Variants in FAM184A observed in about 807,000 individuals in gnomAD.
FAM184A encodes family with sequence similarity 184 member A.
In FAM184A, 99 loss-of-function variants were observed where a neutral mutation model predicts 143.8. The observed-to-expected ratio is 0.69, with a 90% CI of 0.58 to 0.81. The LOEUF (loss-of-function observed/expected upper bound fraction) is 0.81, where lower values mean the gene tolerates loss of function less well. FAM184A is among the 40% of genes least tolerant of loss of function. FAM184A has a pLI of 0.00. For missense variants in FAM184A, 1,217 were observed against 1,310.5 expected (o/e 0.93, Z 1.10); for synonymous variants, 427 against 446.4 (o/e 0.96, Z 0.55).
rs138773908 is a variant in FAM184A, at chr6:119,026,186, T to G, written c.160-1373A>C. Among the ~76,000 whole-genome samples, 677 of 152,334 alleles carry G rather than the reference T, an allele frequency of 4.4e-3. 7 individuals carry two copies. The highest frequency in any genetic ancestry group is 0.015 in the African/African-American group (625 of 41,578). ...GAGAGATGGCAGGAACCCATCTGTC[T>G]TGCCATGCTATCCCTTTTTGCAAAG... On this transcript the variant is annotated intron_variant, in intron 1 of 17. Transcript: ENST00000338891.
At chr6:119,001,938 C>CT (rs996900885) in intron 9 of FAM184A, among the ~76,000 whole-genome samples, 18 of 151,808 alleles carry the variant, frequency 1.2e-4, no homozygotes, top group African/African-American at 1.2e-4. Flanking sequence ...TTCCCTTGTT[C>CT]TTTTTTTTGT....
Position 119,077,883 on chromosome 6 carries a change from T to C in FAM184A, c.159+258A>G, listed in dbSNP as rs1285416783. Among the ~76,000 whole-genome samples the C allele has an allele frequency of 3.9e-5, 6 of 152,272 alleles. No homozygotes were observed. The East Asian group carries it at 9.6e-4, about 24-fold the overall frequency. On this transcript the variant is annotated intron_variant, in intron 1 of 17. Coordinates refer to ENST00000338891, the MANE Select transcript of FAM184A (RefSeq NM_024581.6). ...AAAGGAACTAAATCCTAATTTGTTC[T>C]GTGCTGGTTTAGCCCCAAAGGGCAA...
intron 1 of FAM184A, among the ~76,000 whole-genome samples, chr6:119,106,181 A>G (rs1164963512): frequency 6.6e-6 from 1 of 152,164 alleles, no homozygotes; most frequent in Non-Finnish European, 1.5e-5. Flanking sequence ...TCACAAGGTC[A>G]GGAGATCGAG....
Position 119,078,007 on chromosome 6 carries a change from C to G in FAM184A, c.159+134G>C. 1 of 1,068,076 alleles carries G rather than the reference C, an allele frequency of 9.4e-7. No individual in the cohort carries two copies. Among genetic ancestry groups the G allele is most frequent in the South Asian group, 1.6e-5 (1 of 62,732 alleles). 66.2% of individuals were successfully genotyped at this position (1,068,076 alleles called of 1,614,324 possible). ...AAAGTTTGCAGGGTTTTGGAGGTGT[C>G]TCCGGCTGTTGCTTCGGCGGAGGAG... On this transcript the variant is annotated intron_variant, in intron 1 of 17. Transcript: ENST00000338891. The surrounding 1 kb of genome is among the most constrained non-coding windows in gnomAD (Gnocchi z 5.5).
chr6:119,101,351 C>T (rs937602193), intron 1 of FAM184A, among the ~76,000 whole-genome samples: 2 of 152,052 alleles, frequency 1.3e-5, no homozygotes, highest in African/African-American at 2.4e-5. Flanking sequence ...GGATTACAGG[C>T]GTGAACCACT....
chr6:119,008,566 A>G (rs1784997269), intron 6 of FAM184A, among the ~76,000 whole-genome samples: 1 of 152,318 alleles, frequency 6.6e-6, no homozygotes, highest in African/African-American at 2.4e-5. Flanking sequence ...TGGACTTTAC[A>G]GTCACATGAG....
chr6:118,973,027 T>C (rs1783741467), intron 14 of FAM184A, among the ~76,000 whole-genome samples: 1 of 152,180 alleles, frequency 6.6e-6, no homozygotes, highest in Non-Finnish European at 1.5e-5. Flanking sequence ...GTAACACAAG[T>C]TTCCTCACCA....
intron 1 of FAM184A, among the ~76,000 whole-genome samples, chr6:119,058,175 C>CTCT (rs1787078094): frequency 1.1e-5 from 1 of 89,716 alleles, no homozygotes. Context: ...CTCCTTCTCT[C>CTCT]TTTTTTTTTT....
At chr6:119,049,664 A>C (rs1324648145) in intron 1 of FAM184A, among the ~76,000 whole-genome samples, 4 of 152,184 alleles carry the variant, frequency 2.6e-5, no homozygotes, top group Non-Finnish European at 5.9e-5. Flanking sequence ...CCTTCCTTAC[A>C]CCATATACAA....
At chr6:119,016,485 G>GT (rs1459235983) in intron 5 of FAM184A, among the ~76,000 whole-genome samples, 2 of 151,942 alleles carry the variant, frequency 1.3e-5, no homozygotes, top group Non-Finnish European at 2.9e-5. Context: ...CTTAAGAGCT[G>GT]TAACACTCAC....
intron 14 of FAM184A, among the ~76,000 whole-genome samples, chr6:118,969,121 C>G (rs1013819504): frequency 6.6e-6 from 1 of 152,114 alleles, no homozygotes; most frequent in Non-Finnish European, 1.5e-5. Flanking sequence ...TCATTTCCCC[C>G]CTTGCTTGGC....
chr6:119,082,878 G>A (rs1000004854), upstream of FAM184A, among the ~76,000 whole-genome samples: 1 of 152,174 alleles, frequency 6.6e-6, no homozygotes, highest in Non-Finnish European at 1.5e-5. Context: ...ACCCCAGTGG[G>A]GACTCTGTGT....
Position 119,011,279 on chromosome 6 carries a change from A to G in FAM184A, c.1653+30T>C, listed in dbSNP as rs1424622819. 7 of 1,587,488 alleles carry G rather than the reference A, an allele frequency of 4.4e-6. No homozygotes were observed. In the Admixed American group the frequency reaches 7.0e-5, roughly 16 times the overall value. Reference sequence around the variant, plus strand: ...TAAGTTATTATTATTAAAATCTATAACATAGGCAACAGGTCTAAAGAATTC... The same window carrying G: ...TAAGTTATTATTATTAAAATCTATAGCATAGGCAACAGGTCTAAAGAATTC... On this transcript the variant is annotated intron_variant, in intron 6 of 17. Transcript: ENST00000338891.
At chr6:119,039,839 G>A (rs1329550213) in intron 1 of FAM184A, among the ~76,000 whole-genome samples, 2 of 152,282 alleles carry the variant, frequency 1.3e-5, no homozygotes, top group South Asian at 2.1e-4. Flanking sequence ...CAGGCCCCAG[G>A]GAGATGCAAC....
Position 119,006,585 on chromosome 6 carries a change from TA to T in FAM184A, c.1676del (p.Val559GlufsTer31). On this transcript the variant is annotated frameshift_variant, in exon 7 of 18. Coordinates refer to ENST00000338891, the MANE Select transcript of FAM184A (RefSeq NM_024581.6). LOFTEE classifies it high-confidence loss of function. ...NQEIGHLQDM[V>X]RKSEQGLGSA... ...AGCCAAGACCTTGTTCACTTTTCCT[TA>T]CCATATCTTGGAGGTGGCCAATCTG... The T allele has an allele frequency of 1.2e-6, 2 of 1,613,076 alleles. No individual in the cohort carries two copies. Among genetic ancestry groups the T allele is most frequent in the Non-Finnish European group, 1.7e-6 (2 of 1,179,570 alleles).
intron 1 of FAM184A, among the ~76,000 whole-genome samples, chr6:119,124,707 A>C (rs185876323): frequency 4.5e-4 from 69 of 152,272 alleles, no homozygotes; most frequent in Non-Finnish European, 1.6e-4. Flanking sequence ...AAAGACATTA[A>C]GTCATGAACA....
chr6:119,035,705 C>T (rs546273978), intron 1 of FAM184A, among the ~76,000 whole-genome samples: 1 of 152,268 alleles, frequency 6.6e-6, no homozygotes, highest in South Asian at 2.1e-4. Context: ...TATCTTAACC[C>T]AGACACTCCT....
chr6:119,092,276 T>C (rs1788392076), intron 1 of FAM184A, among the ~76,000 whole-genome samples: 1 of 152,130 alleles, frequency 6.6e-6, no homozygotes, highest in Non-Finnish European at 1.5e-5. Flanking sequence ...TTGCTGGGAC[T>C]ACAGGTACAC....
chr6:119,022,826 G>T lies in FAM184A; in HGVS notation c.1150+119C>A, dbSNP rs1451004471. On this transcript the variant is annotated intron_variant, in intron 3 of 17. Coordinates refer to ENST00000338891, the MANE Select transcript of FAM184A (RefSeq NM_024581.6). ...CAGGAGGCAGAGGTTGCAATGAGCC[G>T]AGATTGAGCCACTGCACTCCCGTCT... 6.7e-6 allele frequency: 8 copies of T among 1,198,570 alleles called. No individual in the cohort carries two copies. The East Asian group carries it at 1.7e-4, about 26-fold the overall frequency. The allele number at this position is 1,198,570 out of a possible 1,614,324, so 74.2% of individuals were successfully genotyped here.
Sources: gnomAD v4.1 joint callset for allele counts (sites outside exome capture counted in the v4.1 genomes callset) on GRCh38, gnomAD v4.1.1 for gene constraint, Gnocchi (gnomAD v3.1) non-coding constraint, MANE v1.5 for transcripts, NCBI Gene and HGNC (gene_info 2026-07-23, HGNC 2026-07-21) for gene names.